The following STK39 variants were observed in gnomAD, a reference collection of about 807,000 sequenced individuals.
STK39 encodes serine/threonine kinase 39, also known as STE20/SPS1-related proline-alanine-rich protein kinase.
STK39 carries 20 observed loss-of-function variants against 77.8 expected under a neutral mutation model. The observed-to-expected ratio is 0.26, with a 90% CI of 0.18 to 0.37. STK39 has a LOEUF of 0.37. Ranked by LOEUF, STK39 falls within the 10% of genes least tolerant of loss-of-function variation. The pLI, the probability that STK39 is intolerant of heterozygous loss-of-function variation, is 1.00. For synonymous variants in STK39, 246 were observed against 234.1 expected (o/e 1.05, Z -0.47); for missense variants, 479 against 656.5 (o/e 0.73, Z 2.95).
chr2:168,205,872 C>T lies in STK39; in HGVS notation c.209-23782G>A, dbSNP rs201512827. Among the ~76,000 whole-genome samples, 31 of 152,086 alleles carry T rather than the reference C, an allele frequency of 2.0e-4. 1 individual carries two copies. In the East Asian group the frequency reaches 5.4e-3, roughly 26 times the overall value. ...TTATATCAATTATAATACATTATAA[C>T]GAATTTTTTGTATATGAATTCAACT... On this transcript the variant is annotated intron_variant, in intron 1 of 17. Transcript: ENST00000355999.
intron 1 of STK39, among the ~76,000 whole-genome samples, chr2:168,208,130 G>A (rs189599897): frequency 5.8e-4 from 88 of 152,238 alleles, no homozygotes; most frequent in African/African-American, 1.9e-3. Flanking sequence ...GAGAAAAAAC[G>A]TAATAGAAAG....
intron 5 of STK39, among the ~76,000 whole-genome samples, chr2:168,143,411 C>T (rs926993662): frequency 1.3e-5 from 2 of 152,186 alleles, no homozygotes. Flanking sequence ...CAGGCCTGAG[C>T]CCTCCTTAAA....
intron 5 of STK39, among the ~76,000 whole-genome samples, chr2:168,153,978 G>A (rs1436436015): frequency 6.6e-6 from 1 of 152,054 alleles, no homozygotes; most frequent in Non-Finnish European, 1.5e-5. Flanking sequence ...GCCGTGTAGA[G>A]AACAGACCAC....
At position 167,988,655 on chromosome 2, in the gene STK39, G is replaced by GA. The variant is rs559681133; in HGVS notation, c.1499-23930dup. 6.7e-4 allele frequency among the ~76,000 whole-genome samples: 100 copies of GA among 148,154 alleles called. No individual in the cohort carries two copies. The Middle Eastern group carries it at 0.011, about 16-fold the overall frequency. On this transcript the variant is annotated intron_variant, in intron 16 of 17. Transcript: ENST00000355999. ...TGAAGGCTTTATCTTGTTAATATGA[G>GA]AAAAAAAAAAGTGTTTCTGGAATCA...
At chr2:168,054,188 G>A (rs1449616080) in intron 14 of STK39, among the ~76,000 whole-genome samples, 1 of 152,226 alleles carries the variant, frequency 6.6e-6, no homozygotes, top group Non-Finnish European at 1.5e-5. Flanking sequence ...CTAAAGTACA[G>A]GAGTTTCTGA....
chr2:168,046,398 CAAAAG>C (rs1256374086), intron 14 of STK39, among the ~76,000 whole-genome samples: 2 of 151,642 alleles, frequency 1.3e-5, no homozygotes, highest in Admixed American at 6.6e-5. Context: ...AACAAACAAA[CAAAAG>C]AAAACTAGTG....
rs531944379 is a variant in STK39 at position 168,011,503 on chromosome 2, G to C, written c.1498+1131C>G. Among the ~76,000 whole-genome samples the C allele has an allele frequency of 1.6e-4, 25 of 152,216 alleles. 1 individual carries two copies. Among genetic ancestry groups the C allele is most frequent in the African/African-American group, 6.0e-4 (25 of 41,536 alleles). On this transcript the variant is annotated intron_variant, in intron 16 of 17. Transcript: ENST00000355999. ...AATCTTGATTAGTTAGGGTTATTAT[G>C]ATTATACAGTAATACATCATAAAAT...
At chr2:168,181,854 G>T (rs1689089731) in intron 2 of STK39, 124 bp downstream of exon 2, 4 of 723,446 alleles carry the variant, frequency 5.5e-6, no homozygotes, top group Non-Finnish European at 9.5e-6. Flanking sequence ...AAGTGGTAGG[G>T]GCTGCTTTCC....
At chr2:168,078,790 A>G (rs2105410927) in intron 10 of STK39, among the ~76,000 whole-genome samples, 1 of 150,504 alleles carries the variant, frequency 6.6e-6, no homozygotes, top group East Asian at 2.0e-4. Flanking sequence ...TCCCACTGCC[A>G]CATTAACTTC....
intron 1 of STK39, among the ~76,000 whole-genome samples, chr2:168,233,857 T>C (rs1690525204): frequency 6.6e-6 from 1 of 152,202 alleles, no homozygotes; most frequent in African/African-American, 2.4e-5. Flanking sequence ...CATTATGATA[T>C]TTCTGAAAAT....
At chr2:168,161,887 T>C (rs1057018264) in intron 4 of STK39, 45 bp from the exon 5 acceptor site, 8 of 1,421,238 alleles carry the variant, frequency 5.6e-6, no homozygotes, top group Non-Finnish European at 7.8e-6. Flanking sequence ...GTACAGACTT[T>C]ATAGTGTATT....
intron 8 of STK39, among the ~76,000 whole-genome samples, chr2:168,132,963 C>T (rs921893644): frequency 2.0e-5 from 3 of 152,110 alleles, no homozygotes; most frequent in Non-Finnish European, 2.9e-5. Context: ...TCAGTTAGCA[C>T]CAAAATCTAT....
chr2:168,224,490 G>A (rs1163297449), intron 1 of STK39, among the ~76,000 whole-genome samples: 2 of 151,648 alleles, frequency 1.3e-5, no homozygotes, highest in African/African-American at 4.9e-5. Flanking sequence ...AAAAGAAAGC[G>A]CATTTACAAA....
At chr2:168,025,924 G>A (rs1317250613) in intron 14 of STK39, among the ~76,000 whole-genome samples, 1 of 152,132 alleles carries the variant, frequency 6.6e-6, no homozygotes, top group Non-Finnish European at 1.5e-5. Context: ...GCCCAATTTG[G>A]AGTTAATCCA....
intron 15 of STK39, among the ~76,000 whole-genome samples, chr2:168,015,958 C>T (rs1031230659): frequency 6.6e-6 from 1 of 152,180 alleles, no homozygotes; most frequent in Non-Finnish European, 1.5e-5. Flanking sequence ...GACAAAGTCT[C>T]GCTCTGTCAC....
At chr2:168,208,187 C>A (rs928810726) in intron 1 of STK39, among the ~76,000 whole-genome samples, 1 of 152,222 alleles carries the variant, frequency 6.6e-6, no homozygotes, top group Non-Finnish European at 1.5e-5. Context: ...TAAACTCTCT[C>A]CTAATCCCAT....
intron 5 of STK39, among the ~76,000 whole-genome samples, chr2:168,149,236 T>C (rs1463141803): frequency 2.0e-5 from 3 of 152,146 alleles, no homozygotes; most frequent in African/African-American, 2.4e-5. Flanking sequence ...TTCTCCTGAA[T>C]AAAATAACCA....
intron 10 of STK39, among the ~76,000 whole-genome samples, chr2:168,089,027 C>T (rs911309074): frequency 5.3e-5 from 8 of 152,166 alleles, no homozygotes; most frequent in African/African-American, 1.9e-4. Context: ...CCCTAGGGCT[C>T]CCCAGCGATG....
chr2:168,035,569 T>C (rs1455855072), intron 14 of STK39, among the ~76,000 whole-genome samples: 2 of 152,014 alleles, frequency 1.3e-5, no homozygotes, highest in Non-Finnish European at 2.9e-5. Context: ...GATGGGTGAG[T>C]TAAAAATGAA....
Sources: allele counts gnomAD v4.1 joint callset (sites outside exome capture counted in the v4.1 genomes callset), GRCh38; gene constraint gnomAD v4.1.1; transcripts MANE v1.5; gene names NCBI Gene and HGNC (gene_info 2026-07-23, HGNC 2026-07-21).